SLC18A2: variants seen among roughly 807,000 people sequenced by gnomAD.
SLC18A2 encodes the protein synaptic vesicular amine transporter.
A neutral mutation model predicts 59.2 loss-of-function variants in SLC18A2; 33 were observed. That is an observed-to-expected ratio of 0.56 (90% CI 0.42 to 0.75). SLC18A2 has a LOEUF of 0.75. Among genes scored for constraint, SLC18A2 ranks in the 30% least tolerant of loss-of-function variants. The probability of loss-of-function intolerance (pLI) is 0.00; values close to 1 mark genes in which losing one functional copy is unlikely to be tolerated. For synonymous variants in SLC18A2, 228 were observed against 253.5 expected (o/e 0.90, Z 0.95); for missense variants, 569 against 668.6 (o/e 0.85, Z 1.64).
chr10:117,253,950 G>C (rs1814125388), intron 4 of SLC18A2, 98 bp from the exon 5 acceptor site: 1 of 1,039,458 alleles, frequency 9.6e-7, no homozygotes, highest in South Asian at 1.4e-5. Context: ...ACATGCAAAT[G>C]CTCCACTGGG....
rs550718396 is a variant in SLC18A2, at chr10:117,268,975, AAC to A, written c.1187-1088_1187-1087del. Among the ~76,000 whole-genome samples the A allele has an allele frequency of 1.3e-4, 13 of 100,630 alleles. 1 individual carries two copies. The highest frequency in any genetic ancestry group is 7.2e-4 in the East Asian group (3 of 4,142). The allele number at this position is 100,630 out of a possible 152,430, so 66.0% of individuals were successfully genotyped here. A position where few individuals can be genotyped will look rare whatever the true frequency, so the allele number is the denominator to read the frequency against. The stretch of plus-strand genomic sequence containing the variant: ...ACATACACATACACACTCATACACA[AAC>A]ACACACATTCATACACACAAACACA... On this transcript the variant is annotated intron_variant, in intron 13 of 15. Coordinates refer to ENST00000644641, the MANE Select transcript of SLC18A2 (RefSeq NM_003054.6).
At position 117,266,823 on chromosome 10, in the gene SLC18A2, T is replaced by C. The variant is rs895822353; in HGVS notation, c.1070+12T>C. The C allele has an allele frequency of 6.2e-7, 1 of 1,606,876 alleles. No homozygotes were observed. The highest frequency in any genetic ancestry group is 1.3e-5 in the African/African-American group (1 of 74,818). On this transcript the variant is annotated intron_variant, in intron 11 of 15. Coordinates refer to ENST00000644641, the MANE Select transcript of SLC18A2 (RefSeq NM_003054.6). ...CACAAAATGGGGAGGTAAGATGATATGAAAACAACACTCATTCTGTTACAA... is the reference window on the plus strand; with the variant it reads ...CACAAAATGGGGAGGTAAGATGATACGAAAACAACACTCATTCTGTTACAA...
chr10:117,262,140 C>T (rs185904465), intron 10 of SLC18A2, among the ~76,000 whole-genome samples: 27 of 152,228 alleles, frequency 1.8e-4, no homozygotes, highest in Admixed American at 5.9e-4. Flanking sequence ...CTCCTGACTT[C>T]GTGATCCCCC....
chr10:117,254,239 G>A, intron 5 of SLC18A2, 108 bp downstream of exon 5: 5 of 1,252,156 alleles, frequency 4.0e-6, no homozygotes, highest in Non-Finnish European at 5.7e-6. Flanking sequence ...GGGGATTCTT[G>A]GAGAAGGCAC....
chr10:117,246,816 C>A (rs545715867), intron 3 of SLC18A2, among the ~76,000 whole-genome samples: 1 of 152,224 alleles, frequency 6.6e-6, no homozygotes, highest in Middle Eastern at 3.4e-3. Flanking sequence ...CTATGCCTGG[C>A]TATTTTTTGT....
At position 117,269,025 on chromosome 10, in the gene SLC18A2, TACAC is replaced by T. The variant is rs1198721452; in HGVS notation, c.1187-1038_1187-1035del. On this transcript the variant is annotated intron_variant, in intron 13 of 15. Coordinates refer to ENST00000644641, the MANE Select transcript of SLC18A2 (RefSeq NM_003054.6). This position sits in a 1 kb window ranked among gnomAD's most constrained non-coding sequence, Gnocchi z 5.1. ...ACACATACACACACTGACACACGCA[TACAC>T]ACACACATACACACATACACCCCCC... is the stretch of plus-strand genomic sequence containing the variant. Among the ~76,000 whole-genome samples, 42 of 149,604 alleles carry T rather than the reference TACAC, an allele frequency of 2.8e-4. No individual in the cohort carries two copies. The highest frequency in any genetic ancestry group is 5.3e-4 in the Admixed American group (8 of 15,042).
chr10:117,262,021 C>T (rs1844298856), intron 10 of SLC18A2, among the ~76,000 whole-genome samples: 1 of 152,190 alleles, frequency 6.6e-6, no homozygotes, highest in South Asian at 2.1e-4. Context: ...AATTCTCCTG[C>T]CTCAGCCTCC....
In SLC18A2 at chr10:117,278,503, T is replaced by G. The variant is rs1184144844; in HGVS notation, c.*1237T>G. On this transcript the variant is annotated 3_prime_UTR_variant, in exon 16 of 16. Coordinates refer to ENST00000644641, the MANE Select transcript of SLC18A2 (RefSeq NM_003054.6). Reference sequence around the variant, plus strand: ...CTTTTCAGTGTAACAGCAAATACTGTTAGTGAACATTGTCAATTTATGTCA... The same window carrying G: ...CTTTTCAGTGTAACAGCAAATACTGGTAGTGAACATTGTCAATTTATGTCA... 1 of 152,214 alleles carries G rather than the reference T, an allele frequency of 6.6e-6. No individual in the cohort carries two copies. The highest frequency in any genetic ancestry group is 1.5e-5 in the Non-Finnish European group (1 of 68,038). 9.4% of individuals were successfully genotyped at this position (152,214 alleles called of 1,614,324 possible). A position where few individuals can be genotyped will look rare whatever the true frequency, so the allele number is the denominator to read the frequency against.
At chr10:117,264,765 A>G (rs1391657294) in intron 10 of SLC18A2, among the ~76,000 whole-genome samples, 3 of 152,152 alleles carry the variant, frequency 2.0e-5, no homozygotes, top group East Asian at 3.9e-4. Context: ...TTATCATGAG[A>G]CAAATGTTGT....
intron 15 of SLC18A2, among the ~76,000 whole-genome samples, chr10:117,274,131 A>G (rs1844458053): frequency 6.6e-6 from 1 of 152,184 alleles, no homozygotes; most frequent in Admixed American, 6.5e-5. Flanking sequence ...TTGAAACATT[A>G]CATGCCACCT....
At chr10:117,266,672 ACTTTTT>A (rs1844352211) in intron 10 of SLC18A2, 55 bp from the exon 11 acceptor site, 3 of 1,280,970 alleles carry the variant, frequency 2.3e-6, no homozygotes, top group Admixed American at 1.8e-5. Flanking sequence ...TACAGTTATT[ACTTTTT>A]CTAACATATG....
chr10:117,253,955 A>G (rs186653695), intron 4 of SLC18A2, 93 bp from the exon 5 acceptor site: 1 of 1,119,916 alleles, frequency 8.9e-7, no homozygotes, highest in South Asian at 1.3e-5. Flanking sequence ...CAAATGCTCC[A>G]CTGGGTTAAG....
chr10:117,277,293 T>A lies in SLC18A2; in HGVS notation c.*27T>A, dbSNP rs779678633. 7.2e-7 allele frequency: 1 copy of A among 1,391,752 alleles called. No homozygotes were observed. 86.2% of individuals were successfully genotyped at this position (1,391,752 alleles called of 1,614,324 possible). A position where few individuals can be genotyped will look rare whatever the true frequency, so the allele number is the denominator to read the frequency against. On this transcript the variant is annotated 3_prime_UTR_variant, in exon 16 of 16. Coordinates refer to ENST00000644641, the MANE Select transcript of SLC18A2 (RefSeq NM_003054.6). ...ATGAGATCCTCAAAAATCATCAAAG[T>A]GTTTAATTGTATAAAACAGTGTTTC...
intron 11 of SLC18A2, 25 bp downstream of exon 11, chr10:117,266,836 C>A: frequency 6.3e-7 from 1 of 1,588,386 alleles, no homozygotes; most frequent in Non-Finnish European, 8.6e-7. Context: ...AAACAACACT[C>A]ATTCTGTTAC....
At position 117,278,234 on chromosome 10, in the gene SLC18A2, ATATT is replaced by A. The variant is rs1405215135; in HGVS notation, c.*974_*977del. 6.6e-6 allele frequency: 1 copy of A among 152,236 alleles called. No homozygotes were observed. The highest frequency in any genetic ancestry group is 1.5e-5 in the Non-Finnish European group (1 of 68,040). 9.4% of individuals were successfully genotyped at this position (152,236 alleles called of 1,614,324 possible). On this transcript the variant is annotated 3_prime_UTR_variant, in exon 16 of 16. Transcript: ENST00000644641. ...GGTCATCCAAGTGTTTTCTAGGAATATATTTATTTTAGGTTGTCTGAAACTACTA... is the reference window on the plus strand; with the variant it reads ...GGTCATCCAAGTGTTTTCTAGGAATATATTTTAGGTTGTCTGAAACTACTA...
chr10:117,276,716 T>G (rs182841443), intron 15 of SLC18A2, among the ~76,000 whole-genome samples: 1 of 151,424 alleles, frequency 6.6e-6, no homozygotes, highest in Non-Finnish European at 1.5e-5. Flanking sequence ...CAGACTTAGG[T>G]ACATTTCTCA....
At chr10:117,251,435 G>A (rs1589978964) in intron 3 of SLC18A2, among the ~76,000 whole-genome samples, 1 of 152,168 alleles carries the variant, frequency 6.6e-6, no homozygotes, top group South Asian at 2.1e-4. Flanking sequence ...AGAAGAAGCT[G>A]TCACCCGATG....
chr10:117,249,194 G>T (rs561170266), intron 3 of SLC18A2, among the ~76,000 whole-genome samples: 1 of 152,214 alleles, frequency 6.6e-6, no homozygotes, highest in Non-Finnish European at 1.5e-5. Flanking sequence ...CCTGCATGTG[G>T]TTAGGATGGT....
intron 2 of SLC18A2, among the ~76,000 whole-genome samples, chr10:117,243,730 T>G (rs893774877): frequency 1.7e-4 from 26 of 152,220 alleles, no homozygotes; most frequent in Middle Eastern, 3.4e-3. Context: ...GGATTACAGG[T>G]GGGTGCCACC....
Sources: gnomAD v4.1 joint callset for allele counts (sites outside exome capture counted in the v4.1 genomes callset) on GRCh38, gnomAD v4.1.1 for gene constraint, Gnocchi (gnomAD v3.1) non-coding constraint, MANE v1.5 for transcripts, NCBI Gene and HGNC (gene_info 2026-07-23, HGNC 2026-07-21) for gene names.